Variants in SMARCA2 observed in about 807,000 individuals in gnomAD.
The protein encoded by SMARCA2 is SWI/SNF-related matrix-associated actin-dependent regulator of chromatin subfamily A member 2.
A neutral mutation model predicts 199.8 loss-of-function variants in SMARCA2; 61 were observed. The ratio of observed to expected loss-of-function variants is 0.31; its 90% CI spans 0.25 to 0.38. The LOEUF (loss-of-function observed/expected upper bound fraction) is 0.38, where lower values mean the gene tolerates loss of function less well. Ranked by LOEUF, SMARCA2 falls within the 10% of genes least tolerant of loss-of-function variation. The probability of loss-of-function intolerance (pLI) is 1.00; values close to 1 mark genes in which losing one functional copy is unlikely to be tolerated. For synonymous variants in SMARCA2, 935 were observed against 732.0 expected (o/e 1.28, Z -4.48); for missense variants, 1,344 against 2,012.2 (o/e 0.67, Z 6.35).
chr9:2,023,329 A>G (rs571627142), intron 1 of SMARCA2, among the ~76,000 whole-genome samples: 151 of 152,340 alleles, frequency 9.9e-4, no homozygotes, highest in African/African-American at 3.6e-3. Context: ...CAGCTCACCC[A>G]CATCCTAATT....
At position 2,047,515 on chromosome 9, in the gene SMARCA2, G is replaced by C; in HGVS notation, c.1046+31G>C. ...GCACCCCGCCAGCAAGGGGCCCCCT[G>C]CGGTGTGCTAGCACCTGCCGCCCAA... On this transcript the variant is annotated intron_variant, in intron 5 of 33. Transcript: ENST00000349721. 3.7e-6 allele frequency: 5 copies of C among 1,359,752 alleles called. No individual in the cohort carries two copies. The South Asian group carries it at 9.3e-5, about 25-fold the overall frequency. 84.2% of individuals were successfully genotyped at this position (1,359,752 alleles called of 1,614,324 possible).
At position 2,115,514 on chromosome 9, in the gene SMARCA2, T is replaced by A. The variant is rs1351517220; in HGVS notation, c.3457-308T>A. On this transcript the variant is annotated intron_variant, in intron 24 of 33. Transcript: ENST00000349721. The surrounding 1 kb of genome is among the most constrained non-coding windows in gnomAD (Gnocchi z 6.0). ...CTGACATTGGACATTGGTGTCTTGT[T>A]TAATGTTTTAGATATGGACTAAATC... Among the ~76,000 whole-genome samples, 1 of 152,198 alleles carries A rather than the reference T, an allele frequency of 6.6e-6. No individual in the cohort carries two copies. Among genetic ancestry groups the A allele is most frequent in the Non-Finnish European group, 1.5e-5 (1 of 68,034 alleles).
intron 24 of SMARCA2, among the ~76,000 whole-genome samples, chr9:2,114,174 G>C (rs1013379029): frequency 1.3e-5 from 2 of 151,978 alleles, no homozygotes; most frequent in African/African-American, 4.8e-5. Context: ...GGAACTTTAG[G>C]GTGTTTTAAA....
At chr9:2,182,024 C>T in intron 30 of SMARCA2, 117 bp from the exon 31 acceptor site, 2 of 776,192 alleles carry the variant, frequency 2.6e-6, no homozygotes, top group Non-Finnish European at 4.6e-6. Context: ...TCCCAGATCC[C>T]TGGCAGGGCT....
chr9:2,178,221 C>A (rs769281533), intron 29 of SMARCA2, among the ~76,000 whole-genome samples: 1 of 152,156 alleles, frequency 6.6e-6, no homozygotes, highest in Non-Finnish European at 1.5e-5. Context: ...CCACCAACAC[C>A]TGTGAACCGT....
chr9:2,097,211 A>G, intron 20 of SMARCA2, 174 bp from the exon 21 acceptor site: 1 of 546,092 alleles, frequency 1.8e-6, no homozygotes, highest in East Asian at 2.9e-5. Context: ...GAAAGACATT[A>G]TGTCTAACTC....
intron 28 of SMARCA2, among the ~76,000 whole-genome samples, chr9:2,166,612 A>G (rs750157108): frequency 6.6e-6 from 1 of 152,190 alleles, no homozygotes; most frequent in African/African-American, 2.4e-5. Flanking sequence ...TTATCTATGC[A>G]AAAATTATGT....
intron 19 of SMARCA2, 40 bp from the exon 20 acceptor site, chr9:2,096,614 TCTC>T (rs1822284581): frequency 7.7e-7 from 1 of 1,290,992 alleles, no homozygotes; most frequent in South Asian, 1.2e-5. Flanking sequence ...ACAGGCGCCT[TCTC>T]CTTCCTGCTC....
At chr9:2,057,404 T>G (rs1820403260) in intron 7 of SMARCA2, among the ~76,000 whole-genome samples, 1 of 152,070 alleles carries the variant, frequency 6.6e-6, no homozygotes, top group Non-Finnish European at 1.5e-5. Context: ...ACATTGGGAG[T>G]TAGCATTTCA....
In SMARCA2 at chr9:2,192,729, A is replaced by T. The variant is rs1481979775; in HGVS notation, c.4763A>T (p.Asp1588Val). The change falls in exon 34 of 34, where the codon GAT becomes GTT. Residue 1588 changes from aspartate to valine, a missense_variant. Physicochemically the swap from Asp to Val is radical, Grantham distance 152. This residue lies in a region of SMARCA2 where 155 missense variants were observed against 121.1 expected (regional missense o/e 1.28). Coordinates refer to ENST00000349721, the MANE Select transcript of SMARCA2 (RefSeq NM_003070.5). ...GAACAGTCAGAAGGAAGTGGGACGG[A>T]TGATGAGTGATCAGTATGGACCTTT... Reference protein sequence around the residue: ...EREQSEGSGTDDE With the variant: ...EREQSEGSGTVDE The T allele has an allele frequency of 6.2e-7, 1 of 1,609,204 alleles. No individual in the cohort carries two copies. Among genetic ancestry groups the T allele is most frequent in the East Asian group, 2.2e-5 (1 of 44,852 alleles).
intron 32 of SMARCA2, among the ~76,000 whole-genome samples, chr9:2,188,416 T>C (rs1449850398): frequency 6.6e-6 from 1 of 152,164 alleles, no homozygotes; most frequent in Non-Finnish European, 1.5e-5. Flanking sequence ...TCATTTTCTA[T>C]TATCTATATT....
rs1827865886 is a variant in SMARCA2 at position 2,191,315 on chromosome 9, C to T, written c.4644C>T (p.Gly1548=). The T allele has an allele frequency of 2.5e-6, 4 of 1,613,966 alleles. No individual in the cohort carries two copies. Among genetic ancestry groups the T allele is most frequent in the Non-Finnish European group, 3.4e-6 (4 of 1,179,968 alleles). ...KIKLNKKDDK[G]RDKGKGKKRP... ...AGCTCAATAAAAAAGATGACAAAGG[C>T]CGGGACAAAGGGAAAGGCAAGAAAA... is the stretch of plus-strand genomic sequence containing the variant. The change falls in exon 33 of 34, where the codon GGC becomes GGT. Residue 1548 remains glycine (G), a synonymous_variant. Transcript: ENST00000349721.
intron 22 of SMARCA2, among the ~76,000 whole-genome samples, chr9:2,102,132 A>AGTGTGTGTGTGT (rs71327397): frequency 2.0e-5 from 3 of 148,012 alleles, no homozygotes; most frequent in African/African-American, 7.4e-5. Context: ...ATTAACAGAA[A>AGTGTGTGTGTGT]GTGTGTGTGT....
rs929180976 is a variant in SMARCA2, at chr9:2,016,737, G to T, written c.-37+1333G>T. Reference sequence around the variant, plus strand: ...AGGAGCCTCCTCCCAACGATGACACGCACTCCTTCCTTCTCGCTCCCTGCT... The same window carrying T: ...AGGAGCCTCCTCCCAACGATGACACTCACTCCTTCCTTCTCGCTCCCTGCT... On this transcript the variant is annotated intron_variant, in intron 1 of 33. Coordinates refer to ENST00000349721, the MANE Select transcript of SMARCA2 (RefSeq NM_003070.5). The surrounding 1 kb of genome is among the most constrained non-coding windows in gnomAD (Gnocchi z 5.6). 6.6e-6 allele frequency among the ~76,000 whole-genome samples: 1 copy of T among 152,138 alleles called. No homozygotes were observed. The highest frequency in any genetic ancestry group is 2.4e-5 in the African/African-American group (1 of 41,442).
At chr9:2,164,222 G>A (rs1248669588) in intron 28 of SMARCA2, among the ~76,000 whole-genome samples, 1 of 152,106 alleles carries the variant, frequency 6.6e-6, no homozygotes, top group Non-Finnish European at 1.5e-5. Context: ...TGACTTCCTG[G>A]TATACATGGC....
intron 28 of SMARCA2, among the ~76,000 whole-genome samples, chr9:2,168,871 A>G (rs1826078637): frequency 6.6e-6 from 1 of 152,230 alleles, no homozygotes; most frequent in Non-Finnish European, 1.5e-5. Flanking sequence ...ACTGAGTTGT[A>G]ATCTGCGTCA....
At chr9:2,070,568 G>T in intron 10 of SMARCA2, 97 bp downstream of exon 10, 2 of 834,574 alleles carry the variant, frequency 2.4e-6, no homozygotes, top group Non-Finnish European at 3.9e-6. Flanking sequence ...TATTCTTACT[G>T]TGCTATTTAT....
rs1823558107 is a variant in SMARCA2, at chr9:2,123,586, G to A, written c.3763-133G>A. On this transcript the variant is annotated intron_variant, in intron 26 of 33. Coordinates refer to ENST00000349721, the MANE Select transcript of SMARCA2 (RefSeq NM_003070.5). The surrounding 1 kb of genome is among the most constrained non-coding windows in gnomAD (Gnocchi z 4.1). ...GATATTTAGGGATGAGCTAGAACAA[G>A]CCAACCAGGATGAGAGAGGTTGAAA... 1 of 776,912 alleles carries A rather than the reference G, an allele frequency of 1.3e-6. No individual in the cohort carries two copies. The highest frequency in any genetic ancestry group is 1.7e-5 in the African/African-American group (1 of 58,466). The allele number at this position is 776,912 out of a possible 1,614,324, so 48.1% of individuals were successfully genotyped here.
intron 8 of SMARCA2, among the ~76,000 whole-genome samples, chr9:2,059,195 T>C (rs1051584779): frequency 3.9e-5 from 6 of 152,212 alleles, no homozygotes; most frequent in African/African-American, 1.4e-4. Flanking sequence ...GTTATAATTA[T>C]AGGAGACCTG....
Sources: allele counts gnomAD v4.1 joint callset (sites outside exome capture counted in the v4.1 genomes callset), GRCh38; gene constraint gnomAD v4.1.1; regional missense constraint gnomAD v4.1.1; non-coding constraint Gnocchi (gnomAD v3.1); transcripts MANE v1.5; gene names NCBI Gene and HGNC (gene_info 2026-07-23, HGNC 2026-07-21).